Variants in PMEPA1 observed in about 807,000 individuals in gnomAD.
PMEPA1 encodes the protein prostate transmembrane protein, androgen induced 1.
Under a neutral mutation model 23.0 loss-of-function variants are expected in PMEPA1, and 11 were observed. That is an observed-to-expected ratio of 0.48 (90% CI 0.30 to 0.79). PMEPA1 has a LOEUF of 0.79. Among genes scored for constraint, PMEPA1 ranks in the 30% least tolerant of loss-of-function variants. The pLI is 0.06. For synonymous variants in PMEPA1, 204 were observed against 166.4 expected, an observed-to-expected ratio of 1.23 and a Z score of -1.74; for missense variants, 377 against 390.9, an observed-to-expected ratio of 0.96 and a Z score of 0.30.
rs888877606 is a variant in PMEPA1, at chr20:57,653,018, C to G, written c.318+15G>C. On this transcript the variant is annotated intron_variant, in intron 3 of 3. Coordinates refer to ENST00000341744, the MANE Select transcript of PMEPA1 (RefSeq NM_020182.5). Reference sequence around the variant, plus strand: ...GGGATGGGGGTGTTGGAGGGGAGGCCGAGGGAGGTCTCACCTCTGGGATTC... The same window carrying G: ...GGGATGGGGGTGTTGGAGGGGAGGCGGAGGGAGGTCTCACCTCTGGGATTC... The G allele has an allele frequency of 1.3e-6, 2 of 1,589,540 alleles. No homozygotes were observed. The highest frequency in any genetic ancestry group is 1.7e-6 in the Non-Finnish European group (2 of 1,167,314).
At position 57,682,403 on chromosome 20, in the gene PMEPA1, C is replaced by T. The variant is rs965431174; in HGVS notation, c.110-22706G>A. Among the ~76,000 whole-genome samples the T allele has an allele frequency of 1.3e-5, 2 of 152,188 alleles. No individual in the cohort carries two copies. Among genetic ancestry groups the T allele is most frequent in the African/African-American group, 4.8e-5 (2 of 41,422 alleles). On this transcript the variant is annotated intron_variant, in intron 1 of 3. Coordinates refer to ENST00000341744, the MANE Select transcript of PMEPA1 (RefSeq NM_020182.5). This position sits in a 1 kb window ranked among gnomAD's most constrained non-coding sequence, Gnocchi z 4.4. ...AATGGGGAAATGACAGCCCGCTGCC[C>T]TTGCATACCTAAGCACAAAGTCACT...
In PMEPA1 at chr20:57,683,547, C is replaced by CTG. The variant is rs56747812; in HGVS notation, c.110-23852_110-23851dup. 5.7e-5 allele frequency among the ~76,000 whole-genome samples: 8 copies of CTG among 139,880 alleles called. No homozygotes were observed. Among genetic ancestry groups the CTG allele is most frequent in the Non-Finnish European group, 7.5e-5 (5 of 67,026 alleles). The allele number at this position is 139,880 out of a possible 152,430, so 91.8% of individuals were successfully genotyped here. Reference sequence around the variant, plus strand: ...ACTAACTCGGTGGTGGTGTTCTGGCCTGTGTGCGTGTGTGTGTGTGTGTGT... The same window carrying CTG: ...ACTAACTCGGTGGTGGTGTTCTGGCCTGTGTGTGCGTGTGTGTGTGTGTGTGT... On this transcript the variant is annotated intron_variant, in intron 1 of 3. Transcript: ENST00000341744. This position sits in a 1 kb window ranked among gnomAD's most constrained non-coding sequence, Gnocchi z 4.3.
rs143155213 is a variant in PMEPA1, at chr20:57,695,457, G to A, written c.109+14017C>T. ...CCTGGCATTTCACCGCTAGAGAATC[G>A]GACCTCCAGCCCAGCTTGGCCCTTT... is the stretch of plus-strand genomic sequence containing the variant. On this transcript the variant is annotated intron_variant, in intron 1 of 3. Transcript: ENST00000341744. Among the ~76,000 whole-genome samples, 460 of 152,336 alleles carry A rather than the reference G, an allele frequency of 3.0e-3. 1 individual carries two copies. Among genetic ancestry groups the A allele is most frequent in the Non-Finnish European group, 4.6e-3 (315 of 68,028 alleles).
At chr20:57,668,020 T>TG (rs1263931923) in intron 1 of PMEPA1, among the ~76,000 whole-genome samples, 2 of 152,046 alleles carry the variant, frequency 1.3e-5, no homozygotes, top group African/African-American at 4.8e-5. Flanking sequence ...TCTTGAGGTT[T>TG]GGGGGGCGGG....
intron 2 of PMEPA1, among the ~76,000 whole-genome samples, chr20:57,658,208 C>T (rs532872827): frequency 3.3e-5 from 5 of 152,336 alleles, no homozygotes; most frequent in African/African-American, 1.2e-4. Context: ...CTTGGGGTTT[C>T]CAGAACACCC....
chr20:57,686,183 A>G (rs2071798950), intron 1 of PMEPA1, among the ~76,000 whole-genome samples: 1 of 152,202 alleles, frequency 6.6e-6, no homozygotes, highest in South Asian at 2.1e-4. Flanking sequence ...GCAGCCGGAC[A>G]GGGGTGGTTC....
Position 57,656,552 on chromosome 20 carries a change from A to G in PMEPA1, c.264+2991T>C, listed in dbSNP as rs1041121260. Among the ~76,000 whole-genome samples, 5 of 152,130 alleles carry G rather than the reference A, an allele frequency of 3.3e-5. No individual in the cohort carries two copies. Among genetic ancestry groups the G allele is most frequent in the African/African-American group, 1.2e-4 (5 of 41,444 alleles). On this transcript the variant is annotated intron_variant, in intron 2 of 3. Transcript: ENST00000341744. The surrounding 1 kb of genome is among the most constrained non-coding windows in gnomAD (Gnocchi z 4.7). ...GGCGGTCACTGCAGTGACGTTCTGC[A>G]TCATGTCCCGAATACCCTCGGAGCA...
chr20:57,673,107 A>G (rs1203325448), intron 1 of PMEPA1, among the ~76,000 whole-genome samples: 3 of 144,760 alleles, frequency 2.1e-5, no homozygotes, highest in South Asian at 2.3e-4. Context: ...TTCATCACCA[A>G]TTGCCCCTGA....
rs1366019556 is a variant in PMEPA1, at chr20:57,655,095, T to C, written c.265-2009A>G. 1.3e-5 allele frequency among the ~76,000 whole-genome samples: 2 copies of C among 152,182 alleles called. No homozygotes were observed. The highest frequency in any genetic ancestry group is 2.9e-5 in the Non-Finnish European group (2 of 68,028). On this transcript the variant is annotated intron_variant, in intron 2 of 3. Transcript: ENST00000341744. The surrounding 1 kb of genome is among the most constrained non-coding windows in gnomAD (Gnocchi z 4.2). ...TTCCTTTAACGGGTTTTCCTATCTG[T>C]ATAGCGGGCTGATGACAGCGCCTGC...
At chr20:57,666,483 C>T (rs1487547430) in intron 1 of PMEPA1, among the ~76,000 whole-genome samples, 1 of 152,190 alleles carries the variant, frequency 6.6e-6, no homozygotes, top group Non-Finnish European at 1.5e-5. Context: ...CCGCACAGTC[C>T]AAGGCTCAGA....
In PMEPA1 at chr20:57,655,093, T is replaced by C. The variant is rs900425664; in HGVS notation, c.265-2007A>G. ...GTTTCCTTTAACGGGTTTTCCTATC[T>C]GTATAGCGGGCTGATGACAGCGCCT... On this transcript the variant is annotated intron_variant, in intron 2 of 3. Coordinates refer to ENST00000341744, the MANE Select transcript of PMEPA1 (RefSeq NM_020182.5). The surrounding 1 kb of genome is among the most constrained non-coding windows in gnomAD (Gnocchi z 4.2). Among the ~76,000 whole-genome samples the C allele has an allele frequency of 1.3e-5, 2 of 152,158 alleles. No homozygotes were observed. Among genetic ancestry groups the C allele is most frequent in the African/African-American group, 4.8e-5 (2 of 41,414 alleles).
At chr20:57,663,697 G>A (rs1286487632) in intron 1 of PMEPA1, among the ~76,000 whole-genome samples, 2 of 152,218 alleles carry the variant, frequency 1.3e-5, no homozygotes, top group Non-Finnish European at 2.9e-5. Context: ...GTGGAGCACA[G>A]GCAGAGGGTA....
chr20:57,675,542 C>CTCTG (rs572467491), intron 1 of PMEPA1, among the ~76,000 whole-genome samples: 3,614 of 152,336 alleles, frequency 0.024, 167 homozygotes, highest in African/African-American at 0.083. Context: ...GACCCCTGGC[C>CTCTG]CACAGGCGGG....
At chr20:57,686,818 C>A (rs2071807654) in intron 1 of PMEPA1, among the ~76,000 whole-genome samples, 1 of 152,210 alleles carries the variant, frequency 6.6e-6, no homozygotes, top group South Asian at 2.1e-4. Flanking sequence ...GCAGTGAACA[C>A]CCCACAAACA....
Position 57,652,719 on chromosome 20 carries a change from G to T in PMEPA1, c.319-121C>A. The stretch of plus-strand genomic sequence containing the variant: ...GCTCTCTGGGGAAAGGGAGAGGGCA[G>T]CAGGGCTGGCGGGGGCGGGAGCCCA... On this transcript the variant is annotated intron_variant, in intron 3 of 3. Coordinates refer to ENST00000341744, the MANE Select transcript of PMEPA1 (RefSeq NM_020182.5). The surrounding 1 kb of genome is among the most constrained non-coding windows in gnomAD (Gnocchi z 6.1). 2.1e-6 allele frequency: 2 copies of T among 954,528 alleles called. No individual in the cohort carries two copies. Among genetic ancestry groups the T allele is most frequent in the Non-Finnish European group, 3.0e-6 (2 of 661,056 alleles). The allele number at this position is 954,528 out of a possible 1,614,324, so 59.1% of individuals were successfully genotyped here. A position where few individuals can be genotyped will look rare whatever the true frequency, so the allele number is the denominator to read the frequency against.
intron 1 of PMEPA1, among the ~76,000 whole-genome samples, chr20:57,680,411 G>C (rs2071696981): frequency 6.6e-6 from 1 of 152,110 alleles, no homozygotes; most frequent in Non-Finnish European, 1.5e-5. Context: ...CAACTGGGAG[G>C]GGGTGTTACT....
At chr20:57,693,455 C>T (rs1443987018) in intron 1 of PMEPA1, among the ~76,000 whole-genome samples, 2 of 152,240 alleles carry the variant, frequency 1.3e-5, no homozygotes, top group Non-Finnish European at 2.9e-5. Flanking sequence ...TCCCCAACAC[C>T]TCCCCGCCCC....
intron 1 of PMEPA1, among the ~76,000 whole-genome samples, chr20:57,679,634 T>C (rs1177509635): frequency 1.3e-5 from 2 of 152,146 alleles, no homozygotes; most frequent in African/African-American, 4.8e-5. Flanking sequence ...GCTTCCTTAG[T>C]GAAGGAACCA....
chr20:57,689,882 C>A (rs574396034), intron 1 of PMEPA1, among the ~76,000 whole-genome samples: 1 of 152,146 alleles, frequency 6.6e-6, no homozygotes, highest in Non-Finnish European at 1.5e-5. Flanking sequence ...CTCTATATAT[C>A]GGAGGGACAC....
Sources: gnomAD v4.1 joint callset for allele counts (sites outside exome capture counted in the v4.1 genomes callset) on GRCh38, gnomAD v4.1.1 for gene constraint, Gnocchi (gnomAD v3.1) non-coding constraint, MANE v1.5 for transcripts, NCBI Gene and HGNC (gene_info 2026-07-23, HGNC 2026-07-21) for gene names.